Variants in SLC1A3 observed in about 807,000 individuals in gnomAD.
SLC1A3 encodes solute carrier family 1 member 3, also known as excitatory amino acid transporter 1.
Under a neutral mutation model 48.1 loss-of-function variants are expected in SLC1A3, and 21 were observed. The ratio of observed to expected loss-of-function variants is 0.44; its 90% CI spans 0.31 to 0.63. The LOEUF is 0.63. Ranked by LOEUF, SLC1A3 falls within the 20% of genes least tolerant of loss-of-function variation. SLC1A3 has a pLI of 0.08. For missense variants in SLC1A3, 546 were observed against 689.0 expected (o/e 0.79, Z 2.32); for synonymous variants, 239 against 251.4 (o/e 0.95, Z 0.47).
chr5:36,673,355 T>C (rs1247111470), intron 4 of SLC1A3, among the ~76,000 whole-genome samples: 1 of 152,176 alleles, frequency 6.6e-6, no homozygotes, highest in Non-Finnish European at 1.5e-5. Context: ...GAGACATAAA[T>C]GGGTGCCATG....
intron 2 of SLC1A3, among the ~76,000 whole-genome samples, chr5:36,610,685 C>G (rs1424831035): frequency 6.6e-6 from 1 of 152,174 alleles, no homozygotes; most frequent in Non-Finnish European, 1.5e-5. Flanking sequence ...CTGTTTTTCT[C>G]TAGGAGTTCT....
intron 3 of SLC1A3, among the ~76,000 whole-genome samples, chr5:36,634,977 G>A (rs950973000): frequency 6.6e-5 from 10 of 152,002 alleles, no homozygotes; most frequent in Admixed American, 6.6e-5. Flanking sequence ...TTAAATCTTC[G>A]CATCTGAAGG....
chr5:36,608,887 T>C lies in SLC1A3; in HGVS notation c.181+283T>C, dbSNP rs912474975. ...CCCATTTCATGTAAGGATAAGGAAGTGATCATTTAATCATTAGGCATGACA... is the reference window on the plus strand; with the variant it reads ...CCCATTTCATGTAAGGATAAGGAAGCGATCATTTAATCATTAGGCATGACA... On this transcript the variant is annotated intron_variant, in intron 2 of 9. Coordinates refer to ENST00000265113, the MANE Select transcript of SLC1A3 (RefSeq NM_004172.5). The C allele has an allele frequency of 1.1e-5, 13 of 1,138,184 alleles. No individual in the cohort carries two copies. The African/African-American group carries it at 1.8e-4, about 15-fold the overall frequency. The allele number at this position is 1,138,184 out of a possible 1,614,324, so 70.5% of individuals were successfully genotyped here. A position where few individuals can be genotyped will look rare whatever the true frequency, so the allele number is the denominator to read the frequency against.
intron 2 of SLC1A3, 116 bp downstream of exon 2, chr5:36,608,720 T>C (rs1465895387): frequency 6.6e-7 from 1 of 1,524,480 alleles, no homozygotes; most frequent in African/African-American, 1.4e-5. Context: ...TAGCCTAGGC[T>C]TTCCTCTGAA....
chr5:36,621,157 C>T (rs1402359646), intron 2 of SLC1A3, among the ~76,000 whole-genome samples: 11 of 152,264 alleles, frequency 7.2e-5, no homozygotes, highest in South Asian at 2.1e-4. Flanking sequence ...CCACCCACCT[C>T]GGCCTCCCAA....
At chr5:36,637,342 G>A (rs894352827) in intron 3 of SLC1A3, among the ~76,000 whole-genome samples, 1 of 152,178 alleles carries the variant, frequency 6.6e-6, no homozygotes, top group Non-Finnish European at 1.5e-5. Flanking sequence ...GGCAAAAATG[G>A]AATTGTTCTT....
chr5:36,679,850 A>G lies in SLC1A3; in HGVS notation c.1084A>G (p.Thr362Ala). 6.2e-7 allele frequency: 1 copy of G among 1,611,968 alleles called. No homozygotes were observed. The highest frequency in any genetic ancestry group is 8.5e-7 in the Non-Finnish European group (1 of 1,178,172). ...LLQALITALGTSSSSATLPIT... is the reference protein window; with the variant it reads ...LLQALITALGASSSSATLPIT... ...GCAAGCACTCATCACCGCTCTGGGG[A>G]CCTCTTCAAGGTATGTATGTATGTG... The change falls in exon 7 of 10, where the codon ACC (threonine) becomes GCC (alanine). Residue 362 changes from threonine to alanine, a missense_variant. Physicochemically the swap from Thr to Ala is moderately conservative, Grantham distance 58. This residue lies in a region of SLC1A3 where 142 missense variants were observed against 238.0 expected (regional missense o/e 0.60). Transcript: ENST00000265113.
At chr5:36,611,324 G>T (rs1363297786) in intron 2 of SLC1A3, among the ~76,000 whole-genome samples, 2 of 147,170 alleles carry the variant, frequency 1.4e-5, no homozygotes, top group Non-Finnish European at 3.0e-5. Context: ...CTATGTACTG[G>T]GTTGAATCTT....
At chr5:36,632,474 A>G (rs1186876179) in intron 3 of SLC1A3, among the ~76,000 whole-genome samples, 1 of 152,194 alleles carries the variant, frequency 6.6e-6, no homozygotes, top group African/African-American at 2.4e-5. Flanking sequence ...TGACTAAACA[A>G]ATTGCTATTG....
intron 3 of SLC1A3, among the ~76,000 whole-genome samples, chr5:36,637,310 C>G (rs1268085604): frequency 6.6e-6 from 1 of 152,180 alleles, no homozygotes; most frequent in African/African-American, 2.4e-5. Context: ...TCCTGCAGAA[C>G]TGAGTGTGGA....
chr5:36,662,429 T>C lies in SLC1A3; in HGVS notation c.320-8600T>C, dbSNP rs1741552171. On this transcript the variant is annotated intron_variant, in intron 3 of 9. Coordinates refer to ENST00000265113, the MANE Select transcript of SLC1A3 (RefSeq NM_004172.5). The stretch of plus-strand genomic sequence containing the variant: ...TTTGTGCTCGGCTGTTACAATGAGG[T>C]AGCCAGAGAAAGGGTCTTGGTCTGA... 3.3e-5 allele frequency among the ~76,000 whole-genome samples: 5 copies of C among 152,282 alleles called. No individual in the cohort carries two copies. The South Asian group carries it at 1.0e-3, about 32-fold the overall frequency.
intron 2 of SLC1A3, among the ~76,000 whole-genome samples, chr5:36,621,172 C>T (rs963788395): frequency 3.9e-5 from 6 of 152,156 alleles, no homozygotes; most frequent in African/African-American, 1.4e-4. Flanking sequence ...TCCCAAAGTG[C>T]TGGAGTTACA....
chr5:36,604,216 A>G (rs534126642), upstream of SLC1A3, among the ~76,000 whole-genome samples: 5 of 152,292 alleles, frequency 3.3e-5, no homozygotes, highest in African/African-American at 1.2e-4. Context: ...ATTTGATAAT[A>G]CTAACATTAA....
At chr5:36,602,090 C>G (rs1009784580), upstream of SLC1A3, among the ~76,000 whole-genome samples, 3 of 152,036 alleles carry the variant, frequency 2.0e-5, no homozygotes, top group African/African-American at 7.3e-5. Flanking sequence ...CAACCAAGCC[C>G]GTTGGATTTG....
chr5:36,680,987 T>G (rs1283018471), intron 8 of SLC1A3, among the ~76,000 whole-genome samples: 1 of 151,842 alleles, frequency 6.6e-6, no homozygotes, highest in East Asian at 1.9e-4. Context: ...TCCCACATAA[T>G]CAAGAGGTGG....
intron 3 of SLC1A3, among the ~76,000 whole-genome samples, chr5:36,655,599 C>G (rs748053282): frequency 3.3e-5 from 5 of 152,186 alleles, no homozygotes; most frequent in Non-Finnish European, 7.3e-5. Flanking sequence ...TGGGAAAACT[C>G]CACTTGTCAT....
At chr5:36,611,024 T>C (rs1020622739) in intron 2 of SLC1A3, among the ~76,000 whole-genome samples, 2 of 152,170 alleles carry the variant, frequency 1.3e-5, no homozygotes, top group Admixed American at 1.3e-4. Flanking sequence ...TATCTGTTAG[T>C]GTGTCTTCCA....
At position 36,670,913 on chromosome 5, in the gene SLC1A3, C is replaced by T; in HGVS notation, c.320-116C>T. ...CAGGTTCTCACAACATGTACGAAAT[C>T]CCATGGCTGGGTGGGATAAGGGTAG... On this transcript the variant is annotated intron_variant, in intron 3 of 9. Coordinates refer to ENST00000265113, the MANE Select transcript of SLC1A3 (RefSeq NM_004172.5). 4.4e-6 allele frequency: 4 copies of T among 912,042 alleles called. 1 individual carries two copies. The highest frequency in any genetic ancestry group is 4.2e-5 in the South Asian group (3 of 71,290). 56.5% of individuals were successfully genotyped at this position (912,042 alleles called of 1,614,324 possible). A position where few individuals can be genotyped will look rare whatever the true frequency, so the allele number is the denominator to read the frequency against.
At chr5:36,653,782 A>G (rs1580000883) in intron 3 of SLC1A3, among the ~76,000 whole-genome samples, 1 of 152,236 alleles carries the variant, frequency 6.6e-6, no homozygotes, top group African/African-American at 2.4e-5. Flanking sequence ...TAAGTGCTCA[A>G]TAAATGCATC....
Sources: allele counts gnomAD v4.1 joint callset (sites outside exome capture counted in the v4.1 genomes callset), GRCh38; gene constraint gnomAD v4.1.1; regional missense constraint gnomAD v4.1.1; transcripts MANE v1.5; gene names NCBI Gene and HGNC (gene_info 2026-07-23, HGNC 2026-07-21).